CNTNAP5: variants seen among roughly 807,000 people sequenced by gnomAD.
The protein encoded by CNTNAP5 is contactin-associated protein-like 5.
Under a neutral mutation model 150.2 loss-of-function variants are expected in CNTNAP5, and 72 were observed. That is an observed-to-expected ratio of 0.48 (90% CI 0.40 to 0.58). CNTNAP5 has a LOEUF of 0.58. CNTNAP5 is among the 20% of genes least tolerant of loss of function. CNTNAP5 has a pLI of 0.00. For missense variants in CNTNAP5, 1,636 were observed against 1,626.2 expected, an observed-to-expected ratio of 1.01 and a Z score of -0.10; for synonymous variants, 672 against 619.8, an observed-to-expected ratio of 1.08 and a Z score of -1.25.
intron 1 of CNTNAP5, among the ~76,000 whole-genome samples, chr2:124,044,256 T>C (rs983323365): frequency 2.0e-5 from 3 of 152,208 alleles, no homozygotes; most frequent in Admixed American, 6.5e-5. Flanking sequence ...ACCATTATTC[T>C]TACTTTTTAG....
intron 3 of CNTNAP5, among the ~76,000 whole-genome samples, chr2:124,371,069 A>T (rs1234556982): frequency 6.6e-6 from 1 of 152,126 alleles, no homozygotes; most frequent in Non-Finnish European, 1.5e-5. Context: ...AGAGATAAGG[A>T]TGCTACTGTC....
chr2:124,591,346 G>A (rs1035092599), intron 11 of CNTNAP5, among the ~76,000 whole-genome samples: 3 of 152,142 alleles, frequency 2.0e-5, no homozygotes, highest in East Asian at 3.9e-4. Context: ...ATATACAGTG[G>A]ATGGTAATCT....
intron 3 of CNTNAP5, among the ~76,000 whole-genome samples, chr2:124,384,315 T>A (rs866965771): frequency 3.9e-5 from 6 of 152,186 alleles, no homozygotes; most frequent in Middle Eastern, 3.2e-3. Context: ...AATGTATCAC[T>A]TTGCCTTTCT....
At chr2:124,607,143 T>C (rs1348375283) in intron 11 of CNTNAP5, among the ~76,000 whole-genome samples, 1 of 152,178 alleles carries the variant, frequency 6.6e-6, no homozygotes, top group East Asian at 1.9e-4. Context: ...TAATGAAGGA[T>C]TCTAAAACAA....
chr2:124,747,205 C>T (rs772787981), intron 13 of CNTNAP5, 24 bp from the exon 14 acceptor site: 2 of 1,607,628 alleles, frequency 1.2e-6, no homozygotes, highest in African/African-American at 2.7e-5. Flanking sequence ...CCTACCCTGA[C>T]TGGTGGAATA....
intron 1 of CNTNAP5, among the ~76,000 whole-genome samples, chr2:124,044,963 T>G (rs1188903502): frequency 3.3e-5 from 5 of 151,582 alleles, no homozygotes; most frequent in African/African-American, 1.2e-4. Flanking sequence ...TCCTGGAATG[T>G]CAATTTCATC....
intron 2 of CNTNAP5, among the ~76,000 whole-genome samples, chr2:124,233,366 A>G (rs995396949): frequency 6.6e-6 from 1 of 152,134 alleles, no homozygotes; most frequent in Non-Finnish European, 1.5e-5. Context: ...CTACTAAATT[A>G]GAAATTCTGG....
chr2:124,106,918 G>A (rs1187570941), intron 1 of CNTNAP5, among the ~76,000 whole-genome samples: 1 of 151,596 alleles, frequency 6.6e-6, no homozygotes. Context: ...AACAACCATT[G>A]GTGCCTAGAG....
intron 3 of CNTNAP5, among the ~76,000 whole-genome samples, chr2:124,382,053 G>C (rs1690808748): frequency 6.6e-6 from 1 of 152,138 alleles, no homozygotes; most frequent in African/African-American, 2.4e-5. Flanking sequence ...TTTGATTTGT[G>C]AGATGTATTA....
At position 124,419,988 on chromosome 2, in the gene CNTNAP5, C is replaced by CTTTCTTT. The variant is rs760831784; in HGVS notation, c.529+2401_529+2402insCTTTTTT. On this transcript the variant is annotated intron_variant, in intron 4 of 23. Transcript: ENST00000682447. ...TCTCTCTCTCTTTCTTTCTTTCTTT[C>CTTTCTTT]TTTTTTTTTTTTTTTTTTTTTGAGA... Among the ~76,000 whole-genome samples, 35 of 78,886 alleles carry CTTTCTTT rather than the reference C, an allele frequency of 4.4e-4. 1 individual carries two copies. Among genetic ancestry groups the CTTTCTTT allele is most frequent in the South Asian group, 8.6e-4 (2 of 2,324 alleles). The allele number at this position is 78,886 out of a possible 152,430, so 51.8% of individuals were successfully genotyped here.
At chr2:124,612,069 G>A (rs1677395921) in intron 12 of CNTNAP5, among the ~76,000 whole-genome samples, 1 of 152,122 alleles carries the variant, frequency 6.6e-6, no homozygotes, top group Non-Finnish European at 1.5e-5. Context: ...AATGTTAATT[G>A]GATATGTTCT....
rs139866660 is a variant in CNTNAP5 at position 124,637,333 on chromosome 2, A to G, written c.1877-10425A>G. Among the ~76,000 whole-genome samples, 730 of 152,286 alleles carry G rather than the reference A, an allele frequency of 4.8e-3. 1 individual carries two copies. The highest frequency in any genetic ancestry group is 8.1e-3 in the Non-Finnish European group (550 of 68,022). Reference sequence around the variant, plus strand: ...ACATTGATCTTTTCTGGAGATTAAAAGACAGTTGTTAAATAAAATATCCCA... The same window carrying G: ...ACATTGATCTTTTCTGGAGATTAAAGGACAGTTGTTAAATAAAATATCCCA... On this transcript the variant is annotated intron_variant, in intron 12 of 23. Coordinates refer to ENST00000682447, the MANE Select transcript of CNTNAP5 (RefSeq NM_001367498.1).
At chr2:124,396,504 T>C (rs1558882513) in intron 3 of CNTNAP5, among the ~76,000 whole-genome samples, 1 of 152,162 alleles carries the variant, frequency 6.6e-6, no homozygotes, top group Non-Finnish European at 1.5e-5. Context: ...CTTTAATAAA[T>C]ACGTTGTAAA....
intron 10 of CNTNAP5, among the ~76,000 whole-genome samples, chr2:124,551,184 A>G (rs1350896028): frequency 6.6e-6 from 1 of 151,750 alleles, no homozygotes; most frequent in Non-Finnish European, 1.5e-5. Context: ...TGCATTGCAA[A>G]CTCATTCGAT....
At chr2:124,341,634 A>C (rs1044212185) in intron 3 of CNTNAP5, among the ~76,000 whole-genome samples, 3 of 152,294 alleles carry the variant, frequency 2.0e-5, no homozygotes, top group African/African-American at 7.2e-5. Context: ...AATATGTGGC[A>C]TTTCTAAATC....
rs1678767322 is a variant in CNTNAP5, at chr2:124,916,288, A to T, written c.*2000A>T. On this transcript the variant is annotated 3_prime_UTR_variant, in exon 24 of 24. Transcript: ENST00000682447. ...TATCATTTCTCTCCTTTTAGTTTTA[A>T]TAAGATGAATGATTCTTTAGTAAGA... 6.6e-6 allele frequency among the ~76,000 whole-genome samples: 1 copy of T among 152,088 alleles called. No homozygotes were observed.
chr2:124,668,055 A>G (rs1175009756), intron 13 of CNTNAP5, among the ~76,000 whole-genome samples: 1 of 152,224 alleles, frequency 6.6e-6, no homozygotes, highest in African/African-American at 2.4e-5. Context: ...TACAGGAAAG[A>G]GTGAATGTTA....
intron 8 of CNTNAP5, among the ~76,000 whole-genome samples, chr2:124,513,669 A>G (rs1694643392): frequency 6.6e-6 from 1 of 152,184 alleles, no homozygotes; most frequent in African/African-American, 2.4e-5. Context: ...TTTTTAACAA[A>G]CAGTCCTGTT....
At chr2:124,484,982 G>A (rs759899070) in intron 7 of CNTNAP5, among the ~76,000 whole-genome samples, 21 of 152,170 alleles carry the variant, frequency 1.4e-4, no homozygotes, top group Non-Finnish European at 2.4e-4. Flanking sequence ...AGGACGCCTA[G>A]TAAGTAGGGA....
Sources: gnomAD v4.1 joint callset for allele counts (sites outside exome capture counted in the v4.1 genomes callset) on GRCh38, gnomAD v4.1.1 for gene constraint, MANE v1.5 for transcripts, NCBI Gene and HGNC (gene_info 2026-07-23, HGNC 2026-07-21) for gene names.